PCNX1: variants seen among roughly 807,000 people sequenced by gnomAD.
PCNX1 encodes pecanex 1.
In PCNX1, 78 loss-of-function variants were observed where a neutral mutation model predicts 242.2. The ratio of observed to expected loss-of-function variants is 0.32; its 90% CI spans 0.27 to 0.39. The LOEUF is 0.39. PCNX1 is among the 10% of genes least tolerant of loss of function. The probability of loss-of-function intolerance (pLI) is 1.00; values close to 1 mark genes in which losing one functional copy is unlikely to be tolerated. For synonymous variants in PCNX1, 1,024 were observed against 1,032.9 expected (o/e 0.99, Z 0.17); for missense variants, 2,581 against 2,856.5 (o/e 0.90, Z 2.20).
intron 2 of PCNX1, 75 bp from the exon 3 acceptor site, chr14:70,962,149 CTT>C: frequency 1.1e-6 from 1 of 912,246 alleles, no homozygotes; most frequent in Non-Finnish European, 1.8e-6. Context: ...AAAAGTATAA[CTT>C]AAAAAATTAA....
chr14:71,103,025 A>G (rs1330295721), intron 31 of PCNX1, among the ~76,000 whole-genome samples: 3 of 152,220 alleles, frequency 2.0e-5, no homozygotes, highest in Non-Finnish European at 4.4e-5. Flanking sequence ...AATTCACATT[A>G]ATCGACCCAC....
chr14:71,083,778 T>C (rs553766000), intron 28 of PCNX1, among the ~76,000 whole-genome samples: 4 of 152,294 alleles, frequency 2.6e-5, no homozygotes, highest in Admixed American at 6.5e-5. Context: ...TTAGCTTCCT[T>C]GCATTGGGTT....
intron 20 of PCNX1, among the ~76,000 whole-genome samples, chr14:71,045,744 A>G (rs771407960): frequency 6.6e-6 from 1 of 152,218 alleles, no homozygotes; most frequent in Non-Finnish European, 1.5e-5. Context: ...CTACCAGAGA[A>G]AAGTGTAAAA....
chr14:71,039,528 A>T (rs1429478139), intron 19 of PCNX1, among the ~76,000 whole-genome samples: 1 of 152,204 alleles, frequency 6.6e-6, no homozygotes, highest in African/African-American at 2.4e-5. Flanking sequence ...GTACTCTTTT[A>T]TAACCTGGTA....
At chr14:70,981,809 T>C (rs1391138000) in intron 6 of PCNX1, among the ~76,000 whole-genome samples, 1 of 152,194 alleles carries the variant, frequency 6.6e-6, no homozygotes, top group Non-Finnish European at 1.5e-5. Context: ...CGTTTAAACT[T>C]ATTTCCTGTG....
intron 21 of PCNX1, among the ~76,000 whole-genome samples, chr14:71,047,406 A>T (rs2060894267): frequency 6.6e-6 from 1 of 152,122 alleles, no homozygotes; most frequent in African/African-American, 2.4e-5. Context: ...CACCATATAG[A>T]TGGTCAGTTG....
chr14:71,005,490 A>G (rs2059628180), intron 8 of PCNX1, among the ~76,000 whole-genome samples: 1 of 150,670 alleles, frequency 6.6e-6, no homozygotes, highest in Non-Finnish European at 1.5e-5. Context: ...CCTGGGTGAC[A>G]GAGTGAGTCT....
At chr14:71,099,161 T>TA (rs1264045072) in intron 30 of PCNX1, among the ~76,000 whole-genome samples, 4 of 145,532 alleles carry the variant, frequency 2.7e-5, no homozygotes, top group Non-Finnish European at 4.6e-5. Flanking sequence ...TTATTTTGAT[T>TA]TTTTTTTTTT....
chr14:71,014,742 T>C (rs981217696), intron 11 of PCNX1, among the ~76,000 whole-genome samples: 1 of 152,104 alleles, frequency 6.6e-6, no homozygotes, highest in East Asian at 1.9e-4. Context: ...GAGAGAAAGC[T>C]GTGGGACAAC....
chr14:71,021,185 C>T (rs1297008745), intron 12 of PCNX1, among the ~76,000 whole-genome samples: 1 of 152,106 alleles, frequency 6.6e-6, no homozygotes, highest in Non-Finnish European at 1.5e-5. Flanking sequence ...AGTTTGAAGT[C>T]AGGTAGCGTG....
chr14:71,067,287 A>G (rs1353597714), intron 26 of PCNX1, among the ~76,000 whole-genome samples: 1 of 152,096 alleles, frequency 6.6e-6, no homozygotes. Flanking sequence ...CCTCAATTTC[A>G]GAACTTGTTA....
intron 26 of PCNX1, among the ~76,000 whole-genome samples, chr14:71,064,003 T>G (rs993987934): frequency 3.3e-5 from 5 of 152,196 alleles, no homozygotes; most frequent in African/African-American, 1.2e-4. Flanking sequence ...GTTTTAGAAG[T>G]CAAACTTTAC....
intron 1 of PCNX1, among the ~76,000 whole-genome samples, chr14:70,927,901 T>C (rs1248287163): frequency 6.6e-6 from 1 of 152,164 alleles, no homozygotes; most frequent in Non-Finnish European, 1.5e-5. Context: ...TTTTCATTCT[T>C]GTGTTAGAAT....
chr14:70,967,739 G>T (rs2058423670), intron 3 of PCNX1, among the ~76,000 whole-genome samples: 1 of 152,148 alleles, frequency 6.6e-6, no homozygotes, highest in Non-Finnish European at 1.5e-5. Flanking sequence ...CAATTCGATG[G>T]TTAGACTTAT....
chr14:70,980,267 T>A (rs2058800114), intron 6 of PCNX1, among the ~76,000 whole-genome samples: 1 of 152,088 alleles, frequency 6.6e-6, no homozygotes, highest in Admixed American at 6.5e-5. Context: ...TAGGAAAAGT[T>A]ACCTGAAAGG....
rs566300392 is a variant in PCNX1, at chr14:71,111,115, G to A, written c.*1180G>A. 6.6e-6 allele frequency: 1 copy of A among 152,134 alleles called. No individual in the cohort carries two copies. Among genetic ancestry groups the A allele is most frequent in the African/African-American group, 2.4e-5 (1 of 41,322 alleles). The allele number at this position is 152,134 out of a possible 1,614,324, so 9.4% of individuals were successfully genotyped here. ...TGAATTTTATTTCCTGTAATTTATA[G>A]TGTGTAGCTGTAAATTGAAATATTT... On this transcript the variant is annotated 3_prime_UTR_variant, in exon 36 of 36. Coordinates refer to ENST00000304743, the MANE Select transcript of PCNX1 (RefSeq NM_014982.3).
rs763292801 is a variant in PCNX1 at position 71,109,805 on chromosome 14, G to A, written c.6896G>A (p.Arg2299Gln). ...QEGMEGHVIH[R>Q]WVPCSRDPGT... ...ATTCTGAATCATTAGGTGATTCACC[G>A]ATGGGTGCCTTGCAGCAGAGATCCA... The change falls in exon 36 of 36, where the codon CGA (arginine) becomes CAA (glutamine). Residue 2299 changes from arginine to glutamine, a missense_variant. By Grantham distance (43) the Arg-to-Gln change is conservative. Around this residue, in one of 9 missense-constraint regions of PCNX1, gnomAD observed 432 missense variants for 433.6 expected, o/e 1.00. Transcript: ENST00000304743. The A allele has an allele frequency of 2.0e-5, 33 of 1,613,694 alleles. No homozygotes were observed. Among genetic ancestry groups the A allele is most frequent in the Admixed American group, 6.7e-5 (4 of 60,026 alleles).
chr14:70,915,634 G>T (rs2056123467), intron 1 of PCNX1, among the ~76,000 whole-genome samples: 1 of 152,038 alleles, frequency 6.6e-6, no homozygotes, highest in Non-Finnish European at 1.5e-5. Flanking sequence ...CCTCTTACTG[G>T]TTATGTAAGT....
intron 19 of PCNX1, among the ~76,000 whole-genome samples, chr14:71,043,224 A>G (rs1297320862): frequency 6.6e-6 from 1 of 152,042 alleles, no homozygotes; most frequent in East Asian, 1.9e-4. Flanking sequence ...TGCTGTTTTC[A>G]GAATTCTCTT....
Sources: gnomAD v4.1 joint callset for allele counts (sites outside exome capture counted in the v4.1 genomes callset) on GRCh38, gnomAD v4.1.1 for gene constraint, gnomAD v4.1.1 regional missense constraint, MANE v1.5 for transcripts, NCBI Gene and HGNC (gene_info 2026-07-23, HGNC 2026-07-21) for gene names.